Variants in GRK1 observed in about 807,000 individuals in gnomAD.
GRK1 encodes rhodopsin kinase GRK1.
A neutral mutation model predicts 41.7 loss-of-function variants in GRK1; 28 were observed. The observed-to-expected ratio is 0.67, with a 90% CI of 0.50 to 0.92. GRK1 has a LOEUF of 0.92. Among genes scored for constraint, GRK1 ranks in the 40% least tolerant of loss-of-function variants. The pLI is 0.00. For missense variants in GRK1, 703 were observed against 671.2 expected (o/e 1.05, Z -0.52); for synonymous variants, 327 against 286.7 (o/e 1.14, Z -1.42).
chr13:113,667,415 T>C lies in GRK1; in HGVS notation c.29T>C (p.Val10Ala), dbSNP rs925234534. Reference protein sequence around the residue: MDFGSLETVVANSAFIAARG... With the variant: MDFGSLETVAANSAFIAARG... ...GATTTCGGGTCTTTGGAGACCGTGGTGGCCAACTCTGCCTTCATCGCCGCC... is the reference window on the plus strand; with the variant it reads ...GATTTCGGGTCTTTGGAGACCGTGGCGGCCAACTCTGCCTTCATCGCCGCC... Residue 10 changes from valine (V) to alanine (A), a missense_variant, in exon 1 of 7, where the codon GTG becomes GCG. Val to Ala is a moderately conservative substitution (Grantham distance 64). Coordinates refer to ENST00000335678, the MANE Select transcript of GRK1 (RefSeq NM_002929.3). This position sits in a 1 kb window ranked among gnomAD's most constrained non-coding sequence, Gnocchi z 7.5. The C allele has an allele frequency of 6.3e-7, 1 of 1,594,742 alleles. No individual in the cohort carries two copies. Among genetic ancestry groups the C allele is most frequent in the Non-Finnish European group, 8.6e-7 (1 of 1,169,174 alleles).
the GRK1 span, among the ~76,000 whole-genome samples, chr13:113,651,085 G>A: frequency 6.6e-6 from 1 of 152,022 alleles, no homozygotes; most frequent in Non-Finnish European, 1.5e-5. Context: ...GGGAAGTGAG[G>A]TTCCCTCGGA....
chr13:113,723,869 CGT>C (rs1226130805), intron 4 of GRK1, among the ~76,000 whole-genome samples: 3 of 150,720 alleles, frequency 2.0e-5, no homozygotes, highest in Admixed American at 1.3e-4. Flanking sequence ...TGTGCATGCC[CGT>C]GTCTGTGCAC....
Position 113,667,508 on chromosome 13 carries a change from T to G in GRK1, c.122T>G (p.Leu41Arg). The G allele has an allele frequency of 6.2e-7, 1 of 1,613,030 alleles. No homozygotes were observed. Among genetic ancestry groups the G allele is most frequent in the Non-Finnish European group, 8.5e-7 (1 of 1,179,724 alleles). Reference protein sequence around the residue: ...RDKKYLAKLKLPPLSKCESLR... With the variant: ...RDKKYLAKLKRPPLSKCESLR... ...AAGAAGTACCTGGCCAAGCTCAAGC[T>G]GCCCCCGCTGTCCAAGTGTGAGTCC... is the stretch of plus-strand genomic sequence containing the variant. The change falls in exon 1 of 7, where the codon CTG becomes CGG. Residue 41 changes from leucine (L) to arginine (R), a missense_variant. By Grantham distance (102) the Leu-to-Arg change is moderately radical. Transcript: ENST00000335678. This position sits in a 1 kb window ranked among gnomAD's most constrained non-coding sequence, Gnocchi z 7.5.
At chr13:113,734,755 C>G (rs574029788) in intron 6 of GRK1, 7 of 249,058 alleles carry the variant, frequency 2.8e-5, no homozygotes, top group African/African-American at 4.5e-5. Context: ...CGCTTCATGA[C>G]GAGACCCTAG....
chr13:113,667,312 G>T lies in GRK1; in HGVS notation c.-75G>T. 1 of 1,390,798 alleles carries T rather than the reference G, an allele frequency of 7.2e-7. No individual in the cohort carries two copies. The highest frequency in any genetic ancestry group is 9.6e-7 in the Non-Finnish European group (1 of 1,038,392). 86.2% of individuals were successfully genotyped at this position (1,390,798 alleles called of 1,614,324 possible). ...CAGGCCAAGGGCAGCAGTCAGGCCT[G>T]CTCTGTCTGTGAACGCTCCCGGCTT... On this transcript the variant is annotated 5_prime_UTR_variant, in exon 1 of 7. Coordinates refer to ENST00000335678, the MANE Select transcript of GRK1 (RefSeq NM_002929.3). The surrounding 1 kb of genome is among the most constrained non-coding windows in gnomAD (Gnocchi z 7.5).
the GRK1 span, chr13:113,653,336 G>A: frequency 5.6e-6 from 9 of 1,613,564 alleles, no homozygotes; most frequent in South Asian, 7.7e-5. Flanking sequence ...AGGAAGGCGT[G>A]GAGAGTCTGT....
At position 113,733,082 on chromosome 13, in the gene GRK1, G is replaced by C; in HGVS notation, c.1393G>C (p.Ala465Pro). 6.5e-7 allele frequency: 1 copy of C among 1,535,874 alleles called. No individual in the cohort carries two copies. Among genetic ancestry groups the C allele is most frequent in the African/African-American group, 1.4e-5 (1 of 73,148 alleles). The change falls in exon 6 of 7, where the codon GCT becomes CCT. Residue 465 changes from alanine to proline, a missense_variant. By Grantham distance (27) the Ala-to-Pro change is conservative. Coordinates refer to ENST00000335678, the MANE Select transcript of GRK1 (RefSeq NM_002929.3). ...FKDLNWRQLE[A>P]GMLMPPFIPD... ...GGACCTTAACTGGAGGCAGCTGGAG[G>C]CTGGTACTGTTGGACGCCTCAGCCC...
chr13:113,666,403 A>G (rs112653185), upstream of GRK1, among the ~76,000 whole-genome samples: 5,057 of 136,066 alleles, frequency 0.037, 292 homozygotes, highest in African/African-American at 0.13. Flanking sequence ...TGCCCCAGGT[A>G]TGTTGCAGGT....
intron 4 of GRK1, among the ~76,000 whole-genome samples, chr13:113,729,804 G>A (rs138541037): frequency 6.8e-5 from 10 of 146,212 alleles, no homozygotes; most frequent in African/African-American, 2.5e-4. Flanking sequence ...CCTCCATCCC[G>A]AGACAGTTGC....
chr13:113,656,312 T>C, the GRK1 span, among the ~76,000 whole-genome samples: 662 of 152,240 alleles, frequency 4.3e-3, 6 homozygotes, highest in African/African-American at 0.015. Flanking sequence ...TCCCCCGCTG[T>C]GGGTCCTGTG....
Position 113,671,656 on chromosome 13 carries a change from G to A in GRK1, c.985G>A (p.Gly329Ser), listed in dbSNP as rs779767769. Residue 329 changes from glycine (G) to serine (S), a missense_variant and splice_region_variant, in exon 3 of 7, where the codon GGC becomes AGC. Physicochemically the swap from Gly to Ser is moderately conservative, Grantham distance 56. Coordinates refer to ENST00000335678, the MANE Select transcript of GRK1 (RefSeq NM_002929.3). This position sits in a 1 kb window ranked among gnomAD's most constrained non-coding sequence, Gnocchi z 4.1. The stretch of plus-strand genomic sequence containing the variant: ...CGAGAACGTGCTGCTGGACAATGAC[G>A]GTAGGAGGTGCCCTCGGCTGGGAGG... ...KPENVLLDND[G>S]NVRISDLGLA... The A allele has an allele frequency of 4.0e-6, 3 of 755,680 alleles. No homozygotes were observed. The highest frequency in any genetic ancestry group is 2.5e-5 in the East Asian group (1 of 40,546). 46.8% of individuals were successfully genotyped at this position (755,680 alleles called of 1,614,324 possible). A position where few individuals can be genotyped will look rare whatever the true frequency, so the allele number is the denominator to read the frequency against.
the GRK1 span, chr13:113,652,879 C>G: frequency 1.2e-6 from 2 of 1,613,998 alleles, no homozygotes; most frequent in African/African-American, 2.7e-5. Flanking sequence ...TCACCCTGTT[C>G]ATTTTAATAA....
At chr13:113,652,998 C>T in the GRK1 span, 55 of 1,613,966 alleles carry the variant, frequency 3.4e-5, no homozygotes, top group Middle Eastern at 1.6e-4. Context: ...TGGTTGGGAG[C>T]GCGGAAACTC....
At position 113,735,057 on chromosome 13, in the gene GRK1, G is replaced by A. The variant is rs2049992423; in HGVS notation, c.1397-11G>A. 2 of 1,486,186 alleles carry A rather than the reference G, an allele frequency of 1.3e-6. No individual in the cohort carries two copies. The highest frequency in any genetic ancestry group is 2.8e-5 in the African/African-American group (2 of 71,220). 92.1% of individuals were successfully genotyped at this position (1,486,186 alleles called of 1,614,324 possible). On this transcript the variant is annotated splice_polypyrimidine_tract_variant and intron_variant, in intron 6 of 6. Coordinates refer to ENST00000335678, the MANE Select transcript of GRK1 (RefSeq NM_002929.3). ...GAGGAGCCTGGCGTCTGTGTTTTCT[G>A]TCTCCCACAGGGATGCTGATGCCCC...
chr13:113,670,436 C>T (rs943771573), intron 2 of GRK1, among the ~76,000 whole-genome samples: 5 of 152,194 alleles, frequency 3.3e-5, no homozygotes, highest in African/African-American at 1.2e-4. Flanking sequence ...AGAGACTGTC[C>T]GGAGATTAAG....
At chr13:113,669,974 C>T (rs1322253559) in intron 2 of GRK1, 160 bp downstream of exon 2, 2 of 442,962 alleles carry the variant, frequency 4.5e-6, no homozygotes, top group Non-Finnish European at 6.0e-6. Flanking sequence ...CTGTTGGTTC[C>T]TGAAACAATG....
At chr13:113,650,410 G>T in the GRK1 span, 1 of 1,613,734 alleles carries the variant, frequency 6.2e-7, no homozygotes, top group Non-Finnish European at 8.5e-7. This position sits in a 1 kb window ranked among gnomAD's most constrained non-coding sequence, Gnocchi z 5.0. Flanking sequence ...ACCTACCTGG[G>T]CTTTCTTCCC....
Position 113,671,724 on chromosome 13 carries a change from T to C in GRK1, c.985+68T>C. The C allele has an allele frequency of 1.4e-6, 1 of 695,782 alleles. No homozygotes were observed. Among genetic ancestry groups the C allele is most frequent in the Non-Finnish European group, 2.6e-6 (1 of 383,456 alleles). 43.1% of individuals were successfully genotyped at this position (695,782 alleles called of 1,614,324 possible). A position where few individuals can be genotyped will look rare whatever the true frequency, so the allele number is the denominator to read the frequency against. Reference sequence around the variant, plus strand: ...GGGCGGGGCGCAGCTTCCTTGGGGGTCTCTGCACAACCTCACGAGGGCTGA... The same window carrying C: ...GGGCGGGGCGCAGCTTCCTTGGGGGCCTCTGCACAACCTCACGAGGGCTGA... On this transcript the variant is annotated intron_variant, in intron 3 of 6. Coordinates refer to ENST00000335678, the MANE Select transcript of GRK1 (RefSeq NM_002929.3). The surrounding 1 kb of genome is among the most constrained non-coding windows in gnomAD (Gnocchi z 4.1).
chr13:113,652,226 C>T, the GRK1 span, among the ~76,000 whole-genome samples: 4 of 152,232 alleles, frequency 2.6e-5, no homozygotes, highest in Non-Finnish European at 5.9e-5. Context: ...GGCACAGTGG[C>T]CACCACGCCC....
Sources: allele counts gnomAD v4.1 joint callset (sites outside exome capture counted in the v4.1 genomes callset), GRCh38; gene constraint gnomAD v4.1.1; non-coding constraint Gnocchi (gnomAD v3.1); transcripts MANE v1.5; gene names NCBI Gene and HGNC (gene_info 2026-07-23, HGNC 2026-07-21).